COL22A1: variants seen among roughly 807,000 people sequenced by gnomAD.
COL22A1 encodes collagen type XXII alpha 1 chain.
Under a neutral mutation model 248.9 loss-of-function variants are expected in COL22A1, and 221 were observed. The observed-to-expected ratio is 0.89, with a 90% CI of 0.80 to 0.99. The LOEUF is 0.99. Among genes scored for constraint, COL22A1 ranks in the 50% least tolerant of loss-of-function variants. The probability of loss-of-function intolerance (pLI) is 0.00; values close to 1 mark genes in which losing one functional copy is unlikely to be tolerated. For synonymous variants in COL22A1, 891 were observed against 793.4 expected (o/e 1.12, Z -2.07); for missense variants, 2,240 against 2,179.0 (o/e 1.03, Z -0.56).
chr8:138,852,023 T>A (rs893971717), intron 3 of COL22A1, among the ~76,000 whole-genome samples: 2 of 151,102 alleles, frequency 1.3e-5, no homozygotes, highest in African/African-American at 2.4e-5. Flanking sequence ...GAAGGGGGGA[T>A]TGGAGGCAAC....
At chr8:138,760,474 A>C (rs1469413092) in intron 17 of COL22A1, among the ~76,000 whole-genome samples, 187 bp from the exon 18 acceptor site, 3 of 152,188 alleles carry the variant, frequency 2.0e-5, no homozygotes, top group Non-Finnish European at 2.9e-5. Flanking sequence ...AACTAACCTA[A>C]GCTCCCTATC....
rs576993003 is a variant in COL22A1 at position 138,812,000 on chromosome 8, C to T, written c.1327-79G>A. 32 of 1,445,522 alleles carry T rather than the reference C, an allele frequency of 2.2e-5. No homozygotes were observed. The African/African-American group carries it at 3.4e-4, about 16-fold the overall frequency. The allele number at this position is 1,445,522 out of a possible 1,614,324, so 89.5% of individuals were successfully genotyped here. ...CCTGGCAGAAGCACAGTGTCGGGTG[C>T]TTCCTCAGAACCAGGCAGCCAAAGG... On this transcript the variant is annotated intron_variant, in intron 8 of 64. Transcript: ENST00000303045.
At chr8:138,668,990 A>G (rs995480269) in intron 41 of COL22A1, among the ~76,000 whole-genome samples, 1 of 152,162 alleles carries the variant, frequency 6.6e-6, no homozygotes, top group African/African-American at 2.4e-5. Context: ...ACACTACGCA[A>G]AGAGGAGAAG....
chr8:138,755,725 C>CATCCAACCACCCA, intron 19 of COL22A1, 60 bp downstream of exon 19: 1 of 1,549,722 alleles, frequency 6.5e-7, no homozygotes. Flanking sequence ...GGTGAAGACT[C>CATCCAACCACCCA]ATCCAACCAC....
intron 17 of COL22A1, among the ~76,000 whole-genome samples, chr8:138,760,580 G>A (rs898429440): frequency 7.2e-5 from 11 of 152,168 alleles, no homozygotes; most frequent in African/African-American, 2.7e-4. Context: ...ATGAGGGCCT[G>A]GGCAAGAGGA....
At chr8:138,614,697 C>G (rs950992941) in intron 55 of COL22A1, among the ~76,000 whole-genome samples, 4 of 152,112 alleles carry the variant, frequency 2.6e-5, no homozygotes, top group Non-Finnish European at 5.9e-5. Context: ...CTCAAGCTGC[C>G]CTTCAGCTTC....
chr8:138,693,692 T>C lies in COL22A1; in HGVS notation c.2708A>G (p.Lys903Arg). The C allele has an allele frequency of 1.3e-6, 2 of 1,576,178 alleles. No individual in the cohort carries two copies. The highest frequency in any genetic ancestry group is 1.7e-6 in the Non-Finnish European group (2 of 1,160,466). ...PQGPTGPPGA[K>R]GQEGAHGAPG... ...AGCCCCATGTGCACCTTCCTGTCCC[T>C]TGGCACCCTGCACAGGAAATAAAAG... is the stretch of plus-strand genomic sequence containing the variant. The change falls in exon 35 of 65, where the codon AAG (lysine) becomes AGG (arginine). Residue 903 changes from lysine (K) to arginine (R), a missense_variant. Coordinates refer to ENST00000303045, the MANE Select transcript of COL22A1 (RefSeq NM_152888.3).
At chr8:138,769,916 C>T (rs1834222776) in intron 16 of COL22A1, among the ~76,000 whole-genome samples, 1 of 152,174 alleles carries the variant, frequency 6.6e-6, no homozygotes, top group East Asian at 1.9e-4. Context: ...CACCAACTCT[C>T]TTTTGTTAAT....
chr8:138,682,571 A>C (rs1021948601), intron 39 of COL22A1, among the ~76,000 whole-genome samples: 1 of 152,190 alleles, frequency 6.6e-6, no homozygotes, highest in Non-Finnish European at 1.5e-5. Flanking sequence ...GCATACCTAG[A>C]GCTCATGCTC....
chr8:138,735,224 G>A lies in COL22A1; in HGVS notation c.2139+2300C>T, dbSNP rs186458922. 4.4e-4 allele frequency among the ~76,000 whole-genome samples: 67 copies of A among 152,278 alleles called. 1 individual carries two copies. The highest frequency in any genetic ancestry group is 6.3e-4 in the Non-Finnish European group (43 of 68,028). On this transcript the variant is annotated intron_variant, in intron 23 of 64. Transcript: ENST00000303045. ...AGAAAAAGAAACCTGGCCTCTTAGC[G>A]TAAGAGTGGCTGACCTGAACACAGC...
At chr8:138,604,520 G>C (rs931079979) in intron 59 of COL22A1, among the ~76,000 whole-genome samples, 1 of 152,220 alleles carries the variant, frequency 6.6e-6, no homozygotes, top group Non-Finnish European at 1.5e-5. Flanking sequence ...GACATACCAA[G>C]ACGGTGCCCC....
chr8:138,672,806 C>G (rs1374632789), intron 41 of COL22A1, among the ~76,000 whole-genome samples: 2 of 152,166 alleles, frequency 1.3e-5, no homozygotes, highest in African/African-American at 4.8e-5. Context: ...GGCACCTGAT[C>G]CATCAGGAAA....
At chr8:138,591,353 G>T (rs915385954) in intron 64 of COL22A1, 71 bp downstream of exon 64, 1 of 1,178,468 alleles carries the variant, frequency 8.5e-7, no homozygotes, top group Admixed American at 2.7e-5. Flanking sequence ...GTCCTGTGGG[G>T]CCACGGGCAG....
At chr8:138,632,409 A>T (rs953678432) in intron 49 of COL22A1, among the ~76,000 whole-genome samples, 5 of 152,200 alleles carry the variant, frequency 3.3e-5, no homozygotes, top group African/African-American at 1.2e-4. Context: ...AGAAATGCTA[A>T]GGGCTGTCCA....
chr8:138,660,165 A>T (rs1193007593), intron 44 of COL22A1, among the ~76,000 whole-genome samples: 1 of 152,214 alleles, frequency 6.6e-6, no homozygotes, highest in Non-Finnish European at 1.5e-5. Flanking sequence ...GCCTTCTGAC[A>T]GCGGTGTTGA....
intron 3 of COL22A1, among the ~76,000 whole-genome samples, chr8:138,846,366 C>G (rs927483657): frequency 2.0e-5 from 3 of 152,204 alleles, no homozygotes; most frequent in Non-Finnish European, 4.4e-5. Flanking sequence ...TCAGAGTAGG[C>G]TGCTCCATTG....
At chr8:138,734,108 A>G (rs981814438) in intron 23 of COL22A1, among the ~76,000 whole-genome samples, 4 of 152,138 alleles carry the variant, frequency 2.6e-5, no homozygotes, top group African/African-American at 9.7e-5. Flanking sequence ...TCTGCCTCCA[A>G]ACTGCCTCTG....
At chr8:138,737,378 A>G in intron 23 of COL22A1, 146 bp downstream of exon 23, 1 of 627,192 alleles carries the variant, frequency 1.6e-6, no homozygotes, top group South Asian at 1.8e-5. Flanking sequence ...GGGAGGGAGG[A>G]CACGTGACCC....
chr8:138,902,549 A>C (rs77062890), intron 1 of COL22A1, among the ~76,000 whole-genome samples: 1 of 151,262 alleles, frequency 6.6e-6, no homozygotes, highest in Non-Finnish European at 1.5e-5. Flanking sequence ...ATACAAAAAC[A>C]AAAAAAATTA....
Sources: allele counts gnomAD v4.1 joint callset (sites outside exome capture counted in the v4.1 genomes callset), GRCh38; gene constraint gnomAD v4.1.1; transcripts MANE v1.5; gene names NCBI Gene and HGNC (gene_info 2026-07-23, HGNC 2026-07-21).